CEACAM19: variants seen among roughly 807,000 people sequenced by gnomAD.
CEACAM19 encodes the protein CEA cell adhesion molecule 19.
In CEACAM19, 37 loss-of-function variants were observed where a neutral mutation model predicts 37.6. The observed-to-expected ratio is 0.98, with a 90% CI of 0.76 to 1.29. The LOEUF (loss-of-function observed/expected upper bound fraction) is 1.29. Among genes scored for constraint, CEACAM19 ranks in the 50% most tolerant of loss-of-function variants. CEACAM19 has a pLI of 0.00. For missense variants in CEACAM19, 340 were observed against 375.6 expected (o/e 0.91, Z 0.78); for synonymous variants, 140 against 149.8 (o/e 0.93, Z 0.48).
chr19:44,676,198 G>A (rs540196796), intron 2 of CEACAM19, 73 bp from the exon 3 acceptor site: 28 of 1,470,094 alleles, frequency 1.9e-5, no homozygotes, highest in Non-Finnish European at 2.4e-5. Flanking sequence ...TGATATAGTC[G>A]GTGAGGGACT....
upstream of CEACAM19, among the ~76,000 whole-genome samples, chr19:44,669,986 G>A (rs1445632607): frequency 6.6e-6 from 1 of 152,158 alleles, no homozygotes; most frequent in Non-Finnish European, 1.5e-5. Flanking sequence ...ACACAACTGG[G>A]CACTGGGAAT....
intron 2 of CEACAM19, among the ~76,000 whole-genome samples, chr19:44,675,474 A>C (rs1299297993): frequency 2.0e-5 from 3 of 151,990 alleles, no homozygotes; most frequent in Non-Finnish European, 2.9e-5. Context: ...AGGTATCATC[A>C]ACCGAAGTGA....
upstream of CEACAM19, among the ~76,000 whole-genome samples, chr19:44,669,834 C>A (rs1973826358): frequency 6.6e-6 from 1 of 152,158 alleles, no homozygotes; most frequent in African/African-American, 2.4e-5. Context: ...GCTCCTCCAT[C>A]CCAGCCCTGA....
chr19:44,679,922 T>A (rs1974024590), intron 4 of CEACAM19, among the ~76,000 whole-genome samples: 1 of 152,098 alleles, frequency 6.6e-6, no homozygotes, highest in Non-Finnish European at 1.5e-5. Flanking sequence ...AGAGCGAGAC[T>A]CTGTCTCAAA....
chr19:44,682,454 A>G (rs1397132149), intron 6 of CEACAM19, 113 bp from the exon 7 acceptor site: 18 of 1,079,640 alleles, frequency 1.7e-5, no homozygotes, highest in Non-Finnish European at 2.2e-5. Context: ...GGGGCCTCAC[A>G]GTCTGGGAGG....
intron 4 of CEACAM19, 79 bp downstream of exon 4, chr19:44,679,015 C>T (rs1974005843): frequency 3.8e-6 from 6 of 1,574,386 alleles, no homozygotes; most frequent in Non-Finnish European, 5.2e-6. Flanking sequence ...TTTTCAGAGT[C>T]AAAGTCTCAC....
At chr19:44,668,474 TAA>T (rs1491373908), upstream of CEACAM19, among the ~76,000 whole-genome samples, 6 of 63,766 alleles carry the variant, frequency 9.4e-5, no homozygotes, top group Non-Finnish European at 1.5e-4. Flanking sequence ...ATATATAATA[TAA>T]TATATATATT....
chr19:44,667,613 TA>T (rs1380057654), upstream of CEACAM19, among the ~76,000 whole-genome samples: 3 of 90,012 alleles, frequency 3.3e-5, no homozygotes, highest in Non-Finnish European at 6.5e-5. Flanking sequence ...AAATATATAT[TA>T]TATATTTATA....
upstream of CEACAM19, among the ~76,000 whole-genome samples, chr19:44,669,653 C>A (rs192371390): frequency 6.6e-6 from 1 of 152,078 alleles, no homozygotes; most frequent in African/African-American, 2.4e-5. Context: ...CCTCCACATC[C>A]TTGCATTGCT....
At position 44,671,923 on chromosome 19, in the gene CEACAM19, G is replaced by T. The variant is rs958116144; in HGVS notation, c.-9G>T. On this transcript the variant is annotated 5_prime_UTR_variant, in exon 1 of 8. Transcript: ENST00000358777. ...TCGTGGCCCCTTGGCATTTCCACAA[G>T]ACGCCAAGATGGAGATTCCCATGGG... 1.9e-6 allele frequency: 3 copies of T among 1,603,196 alleles called. No homozygotes were observed. The highest frequency in any genetic ancestry group is 1.7e-5 in the Admixed American group (1 of 59,030).
chr19:44,681,606 T>A (rs1271684270), intron 6 of CEACAM19, among the ~76,000 whole-genome samples: 2 of 152,110 alleles, frequency 1.3e-5, no homozygotes, highest in East Asian at 1.9e-4. Flanking sequence ...TGGGGAGGTT[T>A]TATATATATA....
chr19:44,672,246 TG>T (rs1446596534), intron 1 of CEACAM19, among the ~76,000 whole-genome samples: 2 of 152,168 alleles, frequency 1.3e-5, no homozygotes, highest in Non-Finnish European at 2.9e-5. Context: ...GAAGTTTAGA[TG>T]TATTACATAT....
chr19:44,673,314 T>TG (rs1348738673), intron 2 of CEACAM19, among the ~76,000 whole-genome samples: 1 of 152,214 alleles, frequency 6.6e-6, no homozygotes, highest in African/African-American at 2.4e-5. Context: ...GAGTATTTAC[T>TG]GATGAATCCA....
In CEACAM19 at chr19:44,682,624, T is replaced by A. The variant is rs748982564; in HGVS notation, c.846+4T>A. ...GCCAGAGAACCACCAGTACCAGGTA[T>A]GGAGCTGGGAGCTGGGAGGGGTGGT... is the stretch of plus-strand genomic sequence containing the variant. On this transcript the variant is annotated splice_donor_region_variant and intron_variant, in intron 7 of 7. Coordinates refer to ENST00000358777, the MANE Select transcript of CEACAM19 (RefSeq NM_001127893.3). The A allele has an allele frequency of 6.2e-7, 1 of 1,600,182 alleles. No individual in the cohort carries two copies. The highest frequency in any genetic ancestry group is 2.3e-5 in the East Asian group (1 of 44,324).
chr19:44,682,497 A>T, intron 6 of CEACAM19, 70 bp from the exon 7 acceptor site: 1 of 1,470,262 alleles, frequency 6.8e-7, no homozygotes, highest in Non-Finnish European at 9.3e-7. Context: ...AGACTGTCCT[A>T]GCACCAAAGG....
In CEACAM19 at chr19:44,681,326, C is replaced by G; in HGVS notation, c.792+14C>G. On this transcript the variant is annotated intron_variant, in intron 6 of 7. Transcript: ENST00000358777. ...AACCCAGCCCGGGTGAGTCCCGTCC[C>G]CAGCCTCTCCCCTGAAGCCAATGCT... 6.3e-7 allele frequency: 1 copy of G among 1,592,724 alleles called. No individual in the cohort carries two copies. The highest frequency in any genetic ancestry group is 8.6e-7 in the Non-Finnish European group (1 of 1,161,394).
rs187610606 is a variant in CEACAM19, at chr19:44,681,216, C to G, written c.707-11C>G. ...TGTGTCAGCTGGTACCTCCCCTGGC[C>G]TCTGTTTCAGGTGACAACAACATCT... On this transcript the variant is annotated splice_polypyrimidine_tract_variant and intron_variant, in intron 5 of 7. Transcript: ENST00000358777. 6.2e-7 allele frequency: 1 copy of G among 1,610,646 alleles called. No homozygotes were observed.
Position 44,676,254 on chromosome 19 carries a change from T to C in CEACAM19, c.425-17T>C, listed in dbSNP as rs1381257400. 6 of 1,612,938 alleles carry C rather than the reference T, an allele frequency of 3.7e-6. No homozygotes were observed. In the South Asian group the frequency reaches 5.5e-5, roughly 15 times the overall value. On this transcript the variant is annotated splice_polypyrimidine_tract_variant and intron_variant, in intron 2 of 7. Transcript: ENST00000358777. The stretch of plus-strand genomic sequence containing the variant: ...TCGCACAGTCCCCCCTCTCTCTTTC[T>C]TTCTCTCACCCCTCAGAAAAGAATA...
chr19:44,675,996 C>CA (rs1973941388), intron 2 of CEACAM19, among the ~76,000 whole-genome samples: 1 of 151,812 alleles, frequency 6.6e-6, no homozygotes, highest in Non-Finnish European at 1.5e-5. Context: ...GTCTTGAACT[C>CA]CTGGGCTCAA....
Sources: gnomAD v4.1 joint callset for allele counts (sites outside exome capture counted in the v4.1 genomes callset) on GRCh38, gnomAD v4.1.1 for gene constraint, MANE v1.5 for transcripts, NCBI Gene and HGNC (gene_info 2026-07-23, HGNC 2026-07-21) for gene names.